The following UNC5D variants were observed in gnomAD, a reference collection of about 807,000 sequenced individuals.
The protein encoded by UNC5D is unc-5 netrin receptor D.
UNC5D carries 39 observed loss-of-function variants against 105.4 expected under a neutral mutation model. The observed-to-expected ratio is 0.37, with a 90% confidence interval of 0.29 to 0.48. The LOEUF (loss-of-function observed/expected upper bound fraction) is 0.48, where lower values mean the gene tolerates loss of function less well. UNC5D is among the 20% of genes least tolerant of loss of function. The pLI, the probability that UNC5D is intolerant of heterozygous loss-of-function variation, is 0.98. For missense variants in UNC5D, 991 were observed against 1,202.4 expected (o/e 0.82, Z 2.60); for synonymous variants, 452 against 450.4 (o/e 1.00, Z -0.04).
intron 16 of UNC5D, among the ~76,000 whole-genome samples, chr8:35,788,702 A>G (rs570768450): frequency 2.5e-4 from 38 of 149,260 alleles, no homozygotes; most frequent in African/African-American, 6.8e-4. Context: ...ACACACACGC[A>G]CACACACACA....
At chr8:35,303,423 T>C (rs1416412838) in intron 1 of UNC5D, among the ~76,000 whole-genome samples, 1 of 152,160 alleles carries the variant, frequency 6.6e-6, no homozygotes, top group Non-Finnish European at 1.5e-5. Flanking sequence ...ACATGGCTAA[T>C]ACATGGCTAA....
chr8:35,637,410 C>T (rs1822448894), intron 4 of UNC5D, among the ~76,000 whole-genome samples: 1 of 152,168 alleles, frequency 6.6e-6, no homozygotes, highest in South Asian at 2.1e-4. Context: ...CTTCACCTCC[C>T]ATCTAAAATC....
At chr8:35,385,187 C>T (rs960313708) in intron 1 of UNC5D, among the ~76,000 whole-genome samples, 1 of 152,152 alleles carries the variant, frequency 6.6e-6, no homozygotes, top group Non-Finnish European at 1.5e-5. Context: ...TCCCTTTACT[C>T]TCTGGCAGCA....
intron 1 of UNC5D, among the ~76,000 whole-genome samples, chr8:35,276,460 G>A (rs1031159553): frequency 2.0e-5 from 3 of 152,192 alleles, no homozygotes; most frequent in Non-Finnish European, 4.4e-5. Context: ...AACATAGGCT[G>A]AGCATTTGTC....
chr8:35,723,175 TGCA>T (rs1476350049), intron 9 of UNC5D, among the ~76,000 whole-genome samples: 27 of 152,172 alleles, frequency 1.8e-4, no homozygotes, highest in Admixed American at 2.0e-4. Context: ...CTGTTTATTG[TGCA>T]TCAGTGGTGC....
At chr8:35,749,011 T>C (rs1346316697) in intron 12 of UNC5D, among the ~76,000 whole-genome samples, 1 of 152,208 alleles carries the variant, frequency 6.6e-6, no homozygotes, top group Non-Finnish European at 1.5e-5. Flanking sequence ...TCTGTCTGAA[T>C]GGACATTATT....
At chr8:35,446,720 C>T (rs1373973705) in intron 1 of UNC5D, among the ~76,000 whole-genome samples, 1 of 152,014 alleles carries the variant, frequency 6.6e-6, no homozygotes, top group African/African-American at 2.4e-5. Flanking sequence ...GTTAATTGCC[C>T]TTGGGTCTGT....
At chr8:35,729,959 T>A (rs1829096497) in intron 10 of UNC5D, among the ~76,000 whole-genome samples, 1 of 152,210 alleles carries the variant, frequency 6.6e-6, no homozygotes, top group Non-Finnish European at 1.5e-5. Context: ...TTGTTGCTGC[T>A]AACAGGCACA....
At chr8:35,399,681 A>C (rs1027903573) in intron 1 of UNC5D, among the ~76,000 whole-genome samples, 31 of 152,226 alleles carry the variant, frequency 2.0e-4, no homozygotes, top group African/African-American at 7.2e-4. Flanking sequence ...CTTTAATTAC[A>C]GGATAAAGGC....
rs1803265060 is a variant in UNC5D at position 35,796,514 on chromosome 8, T to A, written c.*5951T>A. ...ACGTAAATTACTGCATATCAGTTAT[T>A]TATGAATAAAGAGTCTTTTATTGAC... On this transcript the variant is annotated 3_prime_UTR_variant, in exon 17 of 17. Transcript: ENST00000404895. The A allele has an allele frequency of 6.6e-6, 1 of 151,934 alleles. No homozygotes were observed. The highest frequency in any genetic ancestry group is 1.5e-5 in the Non-Finnish European group (1 of 67,996). The allele number at this position is 151,934 out of a possible 1,614,324, so 9.4% of individuals were successfully genotyped here.
chr8:35,777,164 G>A (rs1802287558), intron 16 of UNC5D, among the ~76,000 whole-genome samples: 1 of 152,222 alleles, frequency 6.6e-6, no homozygotes, highest in African/African-American at 2.4e-5. Flanking sequence ...TGAGGCAGGA[G>A]AATTGCTTGA....
intron 4 of UNC5D, among the ~76,000 whole-genome samples, chr8:35,638,350 G>A (rs1400404722): frequency 6.6e-6 from 1 of 152,142 alleles, no homozygotes; most frequent in Non-Finnish European, 1.5e-5. Flanking sequence ...AGAACTTAAT[G>A]CCTACAGAAG....
intron 1 of UNC5D, among the ~76,000 whole-genome samples, chr8:35,290,864 C>T (rs952720844): frequency 6.6e-6 from 1 of 150,558 alleles, no homozygotes; most frequent in Non-Finnish European, 1.5e-5. Flanking sequence ...AGGAGAATCG[C>T]TTGAACCTGG....
At chr8:35,274,815 A>C (rs1164018436) in intron 1 of UNC5D, among the ~76,000 whole-genome samples, 1 of 152,202 alleles carries the variant, frequency 6.6e-6, no homozygotes, top group Non-Finnish European at 1.5e-5. Context: ...ATATTTAAAA[A>C]TTTTATCAAT....
intron 4 of UNC5D, among the ~76,000 whole-genome samples, chr8:35,677,896 G>A (rs1210545664): frequency 2.0e-5 from 3 of 151,656 alleles, no homozygotes; most frequent in Non-Finnish European, 4.4e-5. Context: ...GTGTCTGTGT[G>A]TGTGTGTGTG....
At chr8:35,679,093 A>T (rs1457694145) in intron 4 of UNC5D, among the ~76,000 whole-genome samples, 1 of 152,044 alleles carries the variant, frequency 6.6e-6, no homozygotes, top group African/African-American at 2.4e-5. Context: ...TACAAAAAAT[A>T]AAAATAAAAA....
intron 1 of UNC5D, among the ~76,000 whole-genome samples, chr8:35,426,033 C>T (rs781178252): frequency 2.0e-4 from 30 of 152,176 alleles, no homozygotes; most frequent in African/African-American, 6.5e-4. Flanking sequence ...ATACCTAAGG[C>T]GGCCCATTTC....
At chr8:35,746,919 G>GT (rs1170993027) in intron 11 of UNC5D, among the ~76,000 whole-genome samples, 3 of 152,212 alleles carry the variant, frequency 2.0e-5, no homozygotes, top group African/African-American at 7.2e-5. Context: ...TGAATTTTAT[G>GT]GTTTTTTTCC....
chr8:35,686,493 T>A (rs1826014775), intron 6 of UNC5D, 52 bp from the exon 7 acceptor site: 1 of 1,503,832 alleles, frequency 6.6e-7, no homozygotes, highest in African/African-American at 1.4e-5. Context: ...GTGAGTCTCC[T>A]GACCGCTACT....
Sources: gnomAD v4.1 joint callset for allele counts (sites outside exome capture counted in the v4.1 genomes callset) on GRCh38, gnomAD v4.1.1 for gene constraint, MANE v1.5 for transcripts, NCBI Gene and HGNC (gene_info 2026-07-23, HGNC 2026-07-21) for gene names.